Variants in SCMH1 observed in about 807,000 individuals in gnomAD.
SCMH1 encodes polycomb protein SCMH1.
Under a neutral mutation model 70.8 loss-of-function variants are expected in SCMH1, and 37 were observed. The ratio of observed to expected loss-of-function variants is 0.52; its 90% CI spans 0.40 to 0.69. The LOEUF is 0.69. Ranked by LOEUF, SCMH1 falls within the 30% of genes least tolerant of loss-of-function variation. SCMH1 has a pLI of 0.00. For missense variants in SCMH1, 607 were observed against 827.3 expected (o/e 0.73, Z 3.27); for synonymous variants, 292 against 307.4 (o/e 0.95, Z 0.52).
intron 6 of SCMH1, among the ~76,000 whole-genome samples, chr1:41,117,441 A>G (rs1403682655): frequency 2.0e-5 from 3 of 152,038 alleles, no homozygotes; most frequent in Non-Finnish European, 4.4e-5. Context: ...ACCGTGGTCT[A>G]GTGGTAGCGT....
rs894849168 is a variant in SCMH1 at position 41,111,999 on chromosome 1, T to C, written c.745+1284A>G. ...CTTTAAATACATGCCATTTATCTTA[T>C]GTCAATTATATTTCAATAGGGCTAT... On this transcript the variant is annotated intron_variant, in intron 8 of 14. Coordinates refer to ENST00000337495, the Ensembl canonical transcript of SCMH1. Among the ~76,000 whole-genome samples the C allele has an allele frequency of 3.9e-5, 6 of 152,232 alleles. No homozygotes were observed. In the East Asian group the frequency reaches 1.2e-3, roughly 29 times the overall value.
At chr1:41,171,372 G>A (rs981957594) in intron 2 of SCMH1, among the ~76,000 whole-genome samples, 4 of 152,206 alleles carry the variant, frequency 2.6e-5, no homozygotes, top group African/African-American at 7.2e-5. Context: ...CACCATTACA[G>A]ACAGCACTGC....
chr1:41,187,716 G>C (rs1280564379), intron 1 of SCMH1, among the ~76,000 whole-genome samples: 1 of 151,112 alleles, frequency 6.6e-6, no homozygotes, highest in Non-Finnish European at 1.5e-5. Flanking sequence ...GGGGGGAATC[G>C]CCTGAACTCA....
chr1:41,163,956 G>T (rs1171470222), intron 2 of SCMH1, among the ~76,000 whole-genome samples: 1 of 152,028 alleles, frequency 6.6e-6, no homozygotes, highest in South Asian at 2.1e-4. Context: ...TCCATAAAAA[G>T]GATACATTAC....
chr1:41,028,810 C>A, intron 13 of SCMH1, 84 bp from the exon 15 acceptor site: 1 of 1,467,524 alleles, frequency 6.8e-7, no homozygotes, highest in East Asian at 2.3e-5. Flanking sequence ...TCTCAGTGGC[C>A]TTCTAGGTGA....
intron 1 of SCMH1, among the ~76,000 whole-genome samples, chr1:41,193,885 C>T (rs945921332): frequency 1.3e-5 from 2 of 152,164 alleles, no homozygotes; most frequent in Non-Finnish European, 2.9e-5. Flanking sequence ...ATTTATGATA[C>T]TTAACATCCA....
intron 2 of SCMH1, among the ~76,000 whole-genome samples, chr1:41,167,814 G>C (rs558072707): frequency 1.3e-5 from 2 of 151,798 alleles, no homozygotes; most frequent in South Asian, 2.1e-4. Context: ...TGGTCTAGTG[G>C]GGATAAATTC....
intron 4 of SCMH1, among the ~76,000 whole-genome samples, chr1:41,152,194 A>C (rs539602668): frequency 1.2e-4 from 19 of 152,320 alleles, no homozygotes; most frequent in African/African-American, 4.1e-4. Context: ...AGGGGAAGCC[A>C]GATGAGTGAG....
chr1:41,142,414 G>A (rs772952875), intron 6 of SCMH1, among the ~76,000 whole-genome samples: 2 of 152,266 alleles, frequency 1.3e-5, no homozygotes, highest in Admixed American at 6.5e-5. Context: ...TGATTTTTAT[G>A]TAATAATGGA....
At chr1:41,081,660 T>G (rs1660058866) in intron 8 of SCMH1, among the ~76,000 whole-genome samples, 1 of 151,940 alleles carries the variant, frequency 6.6e-6, no homozygotes, top group Non-Finnish European at 1.5e-5. Flanking sequence ...CTACAAAAAT[T>G]TTTTAAAAAA....
intron 1 of SCMH1, among the ~76,000 whole-genome samples, chr1:41,213,948 G>A (rs55881286): frequency 0.013 from 1,959 of 152,022 alleles, 39 homozygotes; most frequent in African/African-American, 0.045. Context: ...CTCAATACTG[G>A]GCAATAGTGA....
Position 41,113,314 on chromosome 1 carries a change from A to T in SCMH1, c.714T>A (p.Thr238=). 1 of 1,613,842 alleles carries T rather than the reference A, an allele frequency of 6.2e-7. No homozygotes were observed. Among genetic ancestry groups the T allele is most frequent in the Non-Finnish European group, 8.5e-7 (1 of 1,179,918 alleles). ...TGCCAGGAGGCTGCAGGTTGTCTCC[A>T]GTCAAGGAACACCAGCCCACAGGGA... Residue 238 remains threonine, a synonymous_variant, in exon 8 of 15, where the codon ACT becomes ACA. Transcript: ENST00000337495. This position sits in a 1 kb window ranked among gnomAD's most constrained non-coding sequence, Gnocchi z 4.3.
intron 4 of SCMH1, among the ~76,000 whole-genome samples, chr1:41,156,380 C>T (rs1041570445): frequency 2.0e-5 from 3 of 152,156 alleles, no homozygotes; most frequent in African/African-American, 7.2e-5. Flanking sequence ...GTTCCATGTA[C>T]CAAAATTTAA....
At chr1:41,210,164 C>A (rs554918040) in intron 1 of SCMH1, among the ~76,000 whole-genome samples, 16 of 152,206 alleles carry the variant, frequency 1.1e-4, no homozygotes, top group African/African-American at 3.9e-4. Context: ...ATGTGAAGGA[C>A]CTCTTCAAGG....
intron 12 of SCMH1, among the ~76,000 whole-genome samples, chr1:41,041,084 CAT>C (rs751946066): frequency 9.1e-4 from 138 of 151,964 alleles, no homozygotes; most frequent in Non-Finnish European, 1.6e-3. Flanking sequence ...ACAAAGATTC[CAT>C]GCTCATAACC....
At chr1:41,241,811 G>C (rs1663624651) in intron 1 of SCMH1, among the ~76,000 whole-genome samples, 1 of 151,828 alleles carries the variant, frequency 6.6e-6, no homozygotes, top group South Asian at 2.1e-4. Context: ...CCGGACCGTG[G>C]GCCCCGCCCG....
At chr1:41,117,464 A>G (rs1670775224) in intron 6 of SCMH1, among the ~76,000 whole-genome samples, 1 of 151,130 alleles carries the variant, frequency 6.6e-6, no homozygotes, top group Non-Finnish European at 1.5e-5. Context: ...GTGTCAAGGA[A>G]AAACACCCAT....
chr1:41,190,730 C>T (rs1468208564), intron 1 of SCMH1, among the ~76,000 whole-genome samples: 2 of 152,054 alleles, frequency 1.3e-5, no homozygotes, highest in Non-Finnish European at 2.9e-5. Context: ...CTTTCTGAAG[C>T]CTTACAGAAG....
intron 8 of SCMH1, among the ~76,000 whole-genome samples, chr1:41,087,149 T>C (rs546879591): frequency 6.6e-6 from 1 of 152,166 alleles, no homozygotes; most frequent in Non-Finnish European, 1.5e-5. Context: ...CATTAATAAA[T>C]GATAGTGGAA....
Sources: allele counts gnomAD v4.1 joint callset (sites outside exome capture counted in the v4.1 genomes callset), GRCh38; gene constraint gnomAD v4.1.1; non-coding constraint Gnocchi (gnomAD v3.1); transcripts MANE v1.5; gene names NCBI Gene and HGNC (gene_info 2026-07-23, HGNC 2026-07-21).